BBS9: variants seen among roughly 807,000 people sequenced by gnomAD.
BBS9 encodes the protein protein PTHB1.
Under a neutral mutation model 117.7 loss-of-function variants are expected in BBS9, and 89 were observed. The ratio of observed to expected loss-of-function variants is 0.76; its 90% CI spans 0.64 to 0.90. The LOEUF (loss-of-function observed/expected upper bound fraction) is 0.90, where lower values mean the gene tolerates loss of function less well. Ranked by LOEUF, BBS9 falls within the 40% of genes least tolerant of loss-of-function variation. The probability of loss-of-function intolerance (pLI) is 0.00; values close to 1 mark genes in which losing one functional copy is unlikely to be tolerated. For missense variants in BBS9, 982 were observed against 1,042.2 expected (o/e 0.94, Z 0.80); for synonymous variants, 379 against 370.9 (o/e 1.02, Z -0.25).
intron 21 of BBS9, among the ~76,000 whole-genome samples, chr7:33,561,152 C>A (rs190354143): frequency 2.2e-4 from 33 of 152,286 alleles, no homozygotes; most frequent in Non-Finnish European, 3.8e-4. Flanking sequence ...TCTGTGTGAT[C>A]TTAGTAAGCC....
At chr7:33,375,991 A>G (rs1823807775) in intron 17 of BBS9, among the ~76,000 whole-genome samples, 1 of 152,182 alleles carries the variant, frequency 6.6e-6, no homozygotes, top group African/African-American at 2.4e-5. Context: ...AAAGTTACTG[A>G]AAATATCACA....
intron 18 of BBS9, among the ~76,000 whole-genome samples, chr7:33,387,087 G>A (rs1423496176): frequency 6.6e-6 from 1 of 152,116 alleles, no homozygotes; most frequent in Non-Finnish European, 1.5e-5. Flanking sequence ...TAGTCTTGCA[G>A]AATAGTCTTC....
chr7:33,512,491 G>T (rs2129027968), intron 20 of BBS9, among the ~76,000 whole-genome samples: 1 of 152,256 alleles, frequency 6.6e-6, no homozygotes, highest in Non-Finnish European at 1.5e-5. Context: ...AATAAAGTAG[G>T]ATTTAAATGT....
At chr7:33,337,351 T>C (rs1815595000) in intron 10 of BBS9, among the ~76,000 whole-genome samples, 1 of 152,064 alleles carries the variant, frequency 6.6e-6, no homozygotes, top group Non-Finnish European at 1.5e-5. Context: ...TGAAAAAATA[T>C]GGACTATTTT....
At chr7:33,428,586 AG>A (rs768009386) in intron 19 of BBS9, among the ~76,000 whole-genome samples, 19 of 152,268 alleles carry the variant, frequency 1.2e-4, no homozygotes, top group Middle Eastern at 3.4e-3. Context: ...TTGGCTTTAT[AG>A]GGTACACATT....
At chr7:33,574,400 C>T (rs557391071) in intron 21 of BBS9, among the ~76,000 whole-genome samples, 51 of 152,166 alleles carry the variant, frequency 3.4e-4, no homozygotes, top group African/African-American at 1.2e-3. Flanking sequence ...AAGCATTTAT[C>T]CCTTCCAGTC....
At chr7:33,598,273 A>G (rs191307685) in intron 21 of BBS9, among the ~76,000 whole-genome samples, 32 of 152,238 alleles carry the variant, frequency 2.1e-4, no homozygotes, top group African/African-American at 7.7e-4. Flanking sequence ...CCCCAGTGTA[A>G]TCATAAGAAG....
At chr7:33,513,746 A>G (rs895009744) in intron 20 of BBS9, among the ~76,000 whole-genome samples, 1 of 152,200 alleles carries the variant, frequency 6.6e-6, no homozygotes, top group African/African-American at 2.4e-5. Context: ...TCATAATTCA[A>G]GTCAATATAC....
At chr7:33,543,926 G>A (rs1852830794) in intron 21 of BBS9, among the ~76,000 whole-genome samples, 3 of 152,024 alleles carry the variant, frequency 2.0e-5, no homozygotes, top group African/African-American at 7.2e-5. Flanking sequence ...TTGTTGGATT[G>A]GGTTAATTCA....
chr7:33,431,565 C>T (rs1262056535), intron 19 of BBS9, among the ~76,000 whole-genome samples: 1 of 152,176 alleles, frequency 6.6e-6, no homozygotes, highest in Non-Finnish European at 1.5e-5. Flanking sequence ...CCAGAGGTTG[C>T]CTTGCCCCTT....
intron 20 of BBS9, among the ~76,000 whole-genome samples, chr7:33,529,707 A>C (rs1850269791): frequency 6.6e-6 from 1 of 152,086 alleles, no homozygotes; most frequent in African/African-American, 2.4e-5. Context: ...ATTTACAGCA[A>C]ATTGTGGATT....
intron 4 of BBS9, among the ~76,000 whole-genome samples, chr7:33,174,297 CT>C (rs1368177553): frequency 6.6e-6 from 1 of 152,188 alleles, no homozygotes; most frequent in East Asian, 1.9e-4. Flanking sequence ...CTCAGCTCTC[CT>C]GGGGGTTGTT....
chr7:33,279,495 A>G (rs1045907963), intron 9 of BBS9, among the ~76,000 whole-genome samples: 1 of 152,166 alleles, frequency 6.6e-6, no homozygotes, highest in African/African-American at 2.4e-5. Flanking sequence ...GAATGTGTTG[A>G]TTTATGAAGG....
intron 9 of BBS9, among the ~76,000 whole-genome samples, chr7:33,307,803 G>GGTT (rs1808353853): frequency 1.3e-5 from 2 of 149,432 alleles, no homozygotes; most frequent in Admixed American, 1.3e-4. Flanking sequence ...TTTGATCCAT[G>GGTT]GTTGGTTGAA....
At chr7:33,457,222 G>A (rs148988673) in intron 19 of BBS9, among the ~76,000 whole-genome samples, 51 of 152,314 alleles carry the variant, frequency 3.3e-4, no homozygotes, top group Middle Eastern at 6.8e-3. Context: ...AGTCACGGAA[G>A]CAATCAGCCT....
At chr7:33,330,021 T>G (rs1192165813) in intron 9 of BBS9, among the ~76,000 whole-genome samples, 1 of 148,218 alleles carries the variant, frequency 6.7e-6, no homozygotes, top group Non-Finnish European at 1.5e-5. Flanking sequence ...TAAAATTGTG[T>G]TTTTTTTTTG....
At chr7:33,488,062 A>T (rs1843359150) in intron 19 of BBS9, among the ~76,000 whole-genome samples, 1 of 152,214 alleles carries the variant, frequency 6.6e-6, no homozygotes, top group Non-Finnish European at 1.5e-5. Flanking sequence ...CCAAACTCTG[A>T]TCCCATTTTA....
At chr7:33,588,915 G>A (rs1268079636) in intron 21 of BBS9, among the ~76,000 whole-genome samples, 1 of 152,114 alleles carries the variant, frequency 6.6e-6, no homozygotes, top group African/African-American at 2.4e-5. Flanking sequence ...AGGCTGGAGG[G>A]ACCAGATCAT....
chr7:33,478,886 T>C (rs920869256), intron 19 of BBS9, among the ~76,000 whole-genome samples: 3 of 151,706 alleles, frequency 2.0e-5, no homozygotes, highest in Non-Finnish European at 2.9e-5. Flanking sequence ...TTTTTTTTTT[T>C]TTTTTTTTAG....
Sources: allele counts gnomAD v4.1 joint callset (sites outside exome capture counted in the v4.1 genomes callset), GRCh38; gene constraint gnomAD v4.1.1; transcripts MANE v1.5; gene names NCBI Gene and HGNC (gene_info 2026-07-23, HGNC 2026-07-21).